Variants in LIFR observed in about 807,000 individuals in gnomAD.
The protein encoded by LIFR is leukemia inhibitory factor receptor.
LIFR carries 84 observed loss-of-function variants against 122.2 expected under a neutral mutation model. The ratio of observed to expected loss-of-function variants is 0.69; its 90% CI spans 0.58 to 0.82. The LOEUF (loss-of-function observed/expected upper bound fraction) is 0.82, where lower values mean the gene tolerates loss of function less well. Among genes scored for constraint, LIFR ranks in the 40% least tolerant of loss-of-function variants. The pLI is 0.00. For synonymous variants in LIFR, 422 were observed against 434.7 expected (o/e 0.97, Z 0.36); for missense variants, 1,294 against 1,311.6 (o/e 0.99, Z 0.21).
At chr5:38,513,507 CAG>C (rs1257109301) in intron 5 of LIFR, among the ~76,000 whole-genome samples, 1 of 152,182 alleles carries the variant, frequency 6.6e-6, no homozygotes, top group African/African-American at 2.4e-5. Flanking sequence ...AAAAGTAAAA[CAG>C]AATATCTTTG....
In LIFR at chr5:38,534,826, C is replaced by T. The variant is rs16900049; in HGVS notation, c.-19-4160G>A. On this transcript the variant is annotated intron_variant, in intron 1 of 19. Transcript: ENST00000453190. The stretch of plus-strand genomic sequence containing the variant: ...ACCTCCAGAGCAGGTTACGGGTGTA[C>T]ATGAGACACTGGGTGTGTGACCCAT... Among the ~76,000 whole-genome samples, 476 of 152,096 alleles carry T rather than the reference C, an allele frequency of 3.1e-3. 3 individuals are homozygous for T. The highest frequency in any genetic ancestry group is 0.011 in the African/African-American group (447 of 41,412).
At chr5:38,584,768 C>T (rs1749693843) in intron 1 of LIFR, among the ~76,000 whole-genome samples, 1 of 152,102 alleles carries the variant, frequency 6.6e-6, no homozygotes, top group Non-Finnish European at 1.5e-5. Flanking sequence ...AGGATGAACA[C>T]ACCTAGAGAT....
At chr5:38,511,573 A>T (rs1448219293) in intron 6 of LIFR, among the ~76,000 whole-genome samples, 1 of 151,950 alleles carries the variant, frequency 6.6e-6, no homozygotes, top group East Asian at 1.9e-4. Context: ...CTGGATGTTT[A>T]TCCAACCACT....
intron 7 of LIFR, among the ~76,000 whole-genome samples, chr5:38,507,246 T>G (rs1440927158): frequency 6.6e-6 from 1 of 151,972 alleles, no homozygotes; most frequent in Non-Finnish European, 1.5e-5. Context: ...AATTTTTTTT[T>G]TTTTTTTAAG....
chr5:38,591,287 T>A (rs1458780212), intron 1 of LIFR, among the ~76,000 whole-genome samples: 1 of 152,258 alleles, frequency 6.6e-6, no homozygotes, highest in Non-Finnish European at 1.5e-5. Context: ...TAGCAAATCA[T>A]TTCGCTTAGA....
chr5:38,531,761 C>T (rs1373871589), intron 1 of LIFR, among the ~76,000 whole-genome samples: 1 of 152,058 alleles, frequency 6.6e-6, no homozygotes, highest in Admixed American at 6.6e-5. Context: ...AACTGGAGCC[C>T]ATTGAGAGAA....
intron 1 of LIFR, among the ~76,000 whole-genome samples, chr5:38,567,304 C>A (rs1172335314): frequency 1.3e-5 from 2 of 152,122 alleles, no homozygotes; most frequent in African/African-American, 4.8e-5. Flanking sequence ...TCTGGGATCA[C>A]TGTTGGAGTC....
Position 38,483,971 on chromosome 5 carries a change from T to C in LIFR, c.2591+804A>G, listed in dbSNP as rs189921864. On this transcript the variant is annotated intron_variant, in intron 18 of 19. Transcript: ENST00000453190. ...AGGTGACCATGCACATGGCCCTCTC[T>C]CCCACGGAGCTCCCGCTGACCTCAC... Among the ~76,000 whole-genome samples the C allele has an allele frequency of 4.9e-3, 745 of 152,222 alleles. 15 individuals carry two copies. Among genetic ancestry groups the C allele is most frequent in the Admixed American group, 0.042 (642 of 15,288 alleles).
chr5:38,488,176 T>A (rs182623011), intron 16 of LIFR, among the ~76,000 whole-genome samples: 2 of 152,308 alleles, frequency 1.3e-5, no homozygotes, highest in East Asian at 3.9e-4. Flanking sequence ...TGGATGTTTG[T>A]GGAATTTGAT....
chr5:38,543,066 C>T (rs140305730), intron 1 of LIFR, among the ~76,000 whole-genome samples: 218 of 152,016 alleles, frequency 1.4e-3, no homozygotes, highest in African/African-American at 4.9e-3. Flanking sequence ...AAGATGAATA[C>T]CTTCAATAGA....
chr5:38,559,129 T>C (rs1033693576), upstream of LIFR: 2 of 152,244 alleles, frequency 1.3e-5, no homozygotes, highest in African/African-American at 4.8e-5. Flanking sequence ...AAGTTTATGC[T>C]GTGTGAGCTT....
rs1239526667 is a variant in LIFR, at chr5:38,579,289, TGG to T, written c.-20+15970_-20+15971del. ...CACCTTACCCACAGCCATGTTACAT[TGG>T]CCAAAACAGGTCACGTGGCCACACT... is the stretch of plus-strand genomic sequence containing the variant. On this transcript the variant is annotated intron_variant, in intron 1 of 19. Transcript: ENST00000263409. The T allele has an allele frequency of 5.8e-3, 889 of 152,220 alleles. 12 individuals are homozygous for T. Among genetic ancestry groups the T allele is most frequent in the African/African-American group, 0.02 (843 of 41,530 alleles). The allele number at this position is 152,220 out of a possible 1,614,324, so 9.4% of individuals were successfully genotyped here. A position where few individuals can be genotyped will look rare whatever the true frequency, so the allele number is the denominator to read the frequency against.
At position 38,508,486 on chromosome 5, in the gene LIFR, C is replaced by T. The variant is rs984240375; in HGVS notation, c.992-1854G>A. 6.6e-5 allele frequency among the ~76,000 whole-genome samples: 10 copies of T among 152,082 alleles called. 1 individual carries two copies. Among genetic ancestry groups the T allele is most frequent in the African/African-American group, 2.4e-4 (10 of 41,424 alleles). On this transcript the variant is annotated intron_variant, in intron 7 of 19. Coordinates refer to ENST00000453190, the MANE Select transcript of LIFR (RefSeq NM_001127671.2). The stretch of plus-strand genomic sequence containing the variant: ...TTGATCCACGGATTTAATGTAATCC[C>T]AATCAAAACGCCAGCAGGTTTTGAT...
chr5:38,538,879 G>T (rs187937429), intron 1 of LIFR, among the ~76,000 whole-genome samples: 3 of 152,072 alleles, frequency 2.0e-5, no homozygotes, highest in Admixed American at 6.6e-5. Flanking sequence ...TCAGACAACC[G>T]TCCACACTAA....
intron 1 of LIFR, among the ~76,000 whole-genome samples, chr5:38,548,323 G>T (rs779471510): frequency 6.6e-6 from 1 of 152,154 alleles, no homozygotes; most frequent in South Asian, 2.1e-4. Context: ...AAATAACCTA[G>T]TATGTTCCTC....
chr5:38,526,445 A>G (rs749773903), intron 4 of LIFR, among the ~76,000 whole-genome samples: 7,742 of 150,402 alleles, frequency 0.051, 222 homozygotes, highest in Middle Eastern at 0.09. Context: ...GTGTGTGTAT[A>G]TATATATATA....
intron 1 of LIFR, among the ~76,000 whole-genome samples, chr5:38,533,509 A>T (rs865881503): frequency 6.6e-6 from 1 of 152,176 alleles, no homozygotes; most frequent in Non-Finnish European, 1.5e-5. Flanking sequence ...ATGTACTTTG[A>T]CTTGTATTTT....
intron 1 of LIFR, among the ~76,000 whole-genome samples, chr5:38,586,531 A>G (rs916206413): frequency 6.6e-6 from 1 of 152,196 alleles, no homozygotes; most frequent in African/African-American, 2.4e-5. Flanking sequence ...TGTGGATTCC[A>G]TAATTATCTT....
chr5:38,483,212 T>C (rs1744092056), intron 18 of LIFR, among the ~76,000 whole-genome samples: 1 of 152,208 alleles, frequency 6.6e-6, no homozygotes, highest in South Asian at 2.1e-4. Flanking sequence ...CTATTAATCT[T>C]GACCGAAAAC....
Sources: gnomAD v4.1 joint callset for allele counts (sites outside exome capture counted in the v4.1 genomes callset) on GRCh38, gnomAD v4.1.1 for gene constraint, MANE v1.5 for transcripts, NCBI Gene and HGNC (gene_info 2026-07-23, HGNC 2026-07-21) for gene names.